LRRC7: variants seen among roughly 807,000 people sequenced by gnomAD.
The protein encoded by LRRC7 is leucine rich repeat containing 7, also known as leucine-rich repeat-containing protein 7.
Under a neutral mutation model 175.7 loss-of-function variants are expected in LRRC7, and 23 were observed. That is an observed-to-expected ratio of 0.13 (90% CI 0.09 to 0.19). LRRC7 has a LOEUF of 0.19. Ranked by LOEUF, LRRC7 falls within the 10% of genes least tolerant of loss-of-function variation. LRRC7 has a pLI of 1.00. For synonymous variants in LRRC7, 685 were observed against 680.9 expected, an observed-to-expected ratio of 1.01 and a Z score of -0.09; for missense variants, 1,354 against 1,904.7, an observed-to-expected ratio of 0.71 and a Z score of 5.38.
chr1:69,593,126 A>G (rs1422210681), intron 1 of LRRC7, among the ~76,000 whole-genome samples: 2 of 152,080 alleles, frequency 1.3e-5, no homozygotes, highest in Non-Finnish European at 2.9e-5. Flanking sequence ...AGTTCCAGAG[A>G]ATTAAATTTG....
chr1:69,860,913 A>G (rs969062037), intron 7 of LRRC7, among the ~76,000 whole-genome samples: 5 of 152,050 alleles, frequency 3.3e-5, no homozygotes, highest in Non-Finnish European at 7.4e-5. Flanking sequence ...AACTTTCCTT[A>G]GAATTCCAAA....
rs116124577 is a variant in LRRC7 at position 69,965,894 on chromosome 1, A to T, written c.712-14485A>T. On this transcript the variant is annotated intron_variant, in intron 8 of 26. Coordinates refer to ENST00000651989, the MANE Select transcript of LRRC7 (RefSeq NM_001370785.2). ...ATTTCCACCAAGTACTATGAAATTC[A>T]TGAATAAAAGATTTCCCACTTGTGA... Among the ~76,000 whole-genome samples, 471 of 152,308 alleles carry T rather than the reference A, an allele frequency of 3.1e-3. 3 individuals are homozygous for T. The highest frequency in any genetic ancestry group is 0.01 in the African/African-American group (423 of 41,580).
rs1171193416 is a variant in LRRC7 at position 70,144,155 on chromosome 1, T to G, written c.*22268T>G. ...TTTTATTTTATGTACTGACACTAAT[T>G]GGTAAAGGTGTACAATGTGATTAGA... On this transcript the variant is annotated 3_prime_UTR_variant, in exon 27 of 27. Coordinates refer to ENST00000651989, the MANE Select transcript of LRRC7 (RefSeq NM_001370785.2). 2 of 152,214 alleles carry G rather than the reference T, an allele frequency of 1.3e-5. No homozygotes were observed. Among genetic ancestry groups the G allele is most frequent in the African/African-American group, 4.8e-5 (2 of 41,456 alleles). The allele number at this position is 152,214 out of a possible 1,614,324, so 9.4% of individuals were successfully genotyped here.
At position 70,091,989 on chromosome 1, in the gene LRRC7, A is replaced by G. The variant is rs181858075; in HGVS notation, c.4545+2170A>G. Among the ~76,000 whole-genome samples the G allele has an allele frequency of 1.8e-3, 268 of 152,252 alleles. 4 individuals are homozygous for G. Among genetic ancestry groups the G allele is most frequent in the Non-Finnish European group, 1.2e-3 (82 of 68,000 alleles). ...ATTGACCAGTTTTGGTGGCATGCCA[A>G]ACATATGGGGACACTTTGGTTAACT... On this transcript the variant is annotated intron_variant, in intron 25 of 26. Transcript: ENST00000651989.
chr1:69,591,633 C>A (rs957628203), intron 1 of LRRC7, among the ~76,000 whole-genome samples: 1 of 151,936 alleles, frequency 6.6e-6, no homozygotes, highest in Non-Finnish European at 1.5e-5. Flanking sequence ...CCAATATCAC[C>A]AAGATAAATA....
intron 8 of LRRC7, among the ~76,000 whole-genome samples, chr1:69,948,000 GAGA>G (rs1177025450): frequency 2.0e-5 from 3 of 152,192 alleles, no homozygotes; most frequent in Admixed American, 1.3e-4. Flanking sequence ...CCTGATAACT[GAGA>G]AGGTTACTAG....
intron 23 of LRRC7, among the ~76,000 whole-genome samples, chr1:70,053,850 A>G (rs633346): frequency 1.1e-4 from 17 of 151,880 alleles, no homozygotes; most frequent in African/African-American, 3.9e-4. Context: ...AACTGGTAAA[A>G]TACAAGGGGA....
chr1:69,869,311 G>A (rs911577108), intron 7 of LRRC7, among the ~76,000 whole-genome samples: 1 of 152,104 alleles, frequency 6.6e-6, no homozygotes, highest in Non-Finnish European at 1.5e-5. Context: ...ACAGGATTAA[G>A]GTTACTTGGA....
rs1557493984 is a variant in LRRC7, at chr1:69,618,840, TA to T, written c.2+50200del. On this transcript the variant is annotated intron_variant, in intron 1 of 26. Coordinates refer to ENST00000651989, the MANE Select transcript of LRRC7 (RefSeq NM_001370785.2). ...TATCACTAGTAATAGTTTTACCAAATATTTGAAAAGGCAGAATAAGGCTTTC... is the reference window on the plus strand; with the variant it reads ...TATCACTAGTAATAGTTTTACCAAATTTTGAAAAGGCAGAATAAGGCTTTC... Among the ~76,000 whole-genome samples, 3 of 152,296 alleles carry T rather than the reference TA, an allele frequency of 2.0e-5. No homozygotes were observed. In the East Asian group the frequency reaches 5.8e-4, roughly 29 times the overall value.
At chr1:69,689,384 G>A (rs1157469030) in intron 2 of LRRC7, among the ~76,000 whole-genome samples, 1 of 152,034 alleles carries the variant, frequency 6.6e-6, no homozygotes, top group Admixed American at 6.6e-5. Flanking sequence ...TATGCTATCT[G>A]CCTATACCAT....
Position 70,129,106 on chromosome 1 carries a change from G to T in LRRC7, c.*7219G>T, listed in dbSNP as rs1242388274. Among the ~76,000 whole-genome samples, 1 of 152,072 alleles carries T rather than the reference G, an allele frequency of 6.6e-6. No individual in the cohort carries two copies. The highest frequency in any genetic ancestry group is 2.4e-5 in the African/African-American group (1 of 41,400). ...ACTAAAAATATGAAAAATTAGCCGG[G>T]CATTGTGGCGCGCACCTGTAATCCT... On this transcript the variant is annotated 3_prime_UTR_variant, in exon 27 of 27. Coordinates refer to ENST00000651989, the MANE Select transcript of LRRC7 (RefSeq NM_001370785.2).
Position 70,078,812 on chromosome 1 carries a change from ACACACACACACG to A in LRRC7, c.4452+2526_4452+2537del, listed in dbSNP as rs1558051259. 1.2e-3 allele frequency among the ~76,000 whole-genome samples: 135 copies of A among 113,412 alleles called. 1 individual carries two copies. Among genetic ancestry groups the A allele is most frequent in the African/African-American group, 5.4e-3 (126 of 23,120 alleles). 74.4% of individuals were successfully genotyped at this position (113,412 alleles called of 152,430 possible). ...CATATACGCGCGCGCGCGCGCGCGC[ACACACACACACG>A]CACACACACACACACACACACACAC... On this transcript the variant is annotated intron_variant, in intron 24 of 26. Transcript: ENST00000651989.
At chr1:69,680,049 C>T (rs1327103122) in intron 2 of LRRC7, among the ~76,000 whole-genome samples, 2 of 152,096 alleles carry the variant, frequency 1.3e-5, no homozygotes, top group Admixed American at 1.3e-4. Context: ...CCTGGGTCTT[C>T]ATAAAAAATC....
At chr1:69,929,092 A>G (rs1185812107) in intron 7 of LRRC7, among the ~76,000 whole-genome samples, 1 of 151,926 alleles carries the variant, frequency 6.6e-6, no homozygotes. Context: ...TTTTATCTAC[A>G]TTCATGCCCT....
At chr1:69,772,047 G>C (rs1189043864) in intron 3 of LRRC7, among the ~76,000 whole-genome samples, 2 of 152,134 alleles carry the variant, frequency 1.3e-5, no homozygotes, top group African/African-American at 4.8e-5. Flanking sequence ...CTTGAACCCA[G>C]GAGGTGGAGG....
chr1:69,748,232 C>T (rs1161686585), intron 2 of LRRC7, among the ~76,000 whole-genome samples: 2 of 152,078 alleles, frequency 1.3e-5, no homozygotes, highest in Non-Finnish European at 2.9e-5. Flanking sequence ...CAGAAGTTAT[C>T]TATAGTTATG....
intron 7 of LRRC7, among the ~76,000 whole-genome samples, chr1:69,908,543 G>A (rs991347617): frequency 4.6e-5 from 7 of 152,110 alleles, no homozygotes; most frequent in Non-Finnish European, 1.0e-4. Flanking sequence ...TCAGGAGCAG[G>A]TTGTTCAGTT....
chr1:69,756,172 G>A (rs1279699199), intron 2 of LRRC7, among the ~76,000 whole-genome samples: 1 of 151,744 alleles, frequency 6.6e-6, no homozygotes, highest in South Asian at 2.1e-4. Flanking sequence ...TAAAGGGTAA[G>A]ACAAGACATG....
At chr1:70,043,850 G>T in intron 21 of LRRC7, 104 bp from the exon 22 acceptor site, 2 of 1,345,694 alleles carry the variant, frequency 1.5e-6, no homozygotes, top group Non-Finnish European at 2.0e-6. Flanking sequence ...GTTACTGTTT[G>T]CCTGCCTAAA....
Sources: allele counts gnomAD v4.1 joint callset (sites outside exome capture counted in the v4.1 genomes callset), GRCh38; gene constraint gnomAD v4.1.1; transcripts MANE v1.5; gene names NCBI Gene and HGNC (gene_info 2026-07-23, HGNC 2026-07-21).